NAPSA: variants seen among roughly 807,000 people sequenced by gnomAD.
NAPSA encodes the protein napsin-A.
In NAPSA, 37 loss-of-function variants were observed where a neutral mutation model predicts 36.7. The observed-to-expected ratio is 1.01, with a 90% CI of 0.78 to 1.33. NAPSA has a LOEUF of 1.33. Ranked by LOEUF, NAPSA falls within the 40% of genes most tolerant of loss-of-function variation. The pLI, the probability that NAPSA is intolerant of heterozygous loss-of-function variation, is 0.00. For synonymous variants in NAPSA, 222 were observed against 234.5 expected (o/e 0.95, Z 0.49); for missense variants, 532 against 543.8 (o/e 0.98, Z 0.21).
upstream of NAPSA, among the ~76,000 whole-genome samples, chr19:50,368,196 T>G (rs2037573786): frequency 7.1e-6 from 1 of 139,982 alleles, no homozygotes. Context: ...AAAGAAAGGC[T>G]AGGTGCGGTG....
chr19:50,360,161 T>A (rs979187834), intron 5 of NAPSA, among the ~76,000 whole-genome samples: 1 of 152,146 alleles, frequency 6.6e-6, no homozygotes, highest in African/African-American at 2.4e-5. Flanking sequence ...AGAGCAGTGG[T>A]GTCTTGGAAT....
At chr19:50,359,154 G>C (rs758480175) in intron 7 of NAPSA, 45 bp from the exon 8 acceptor site, 1 of 1,520,092 alleles carries the variant, frequency 6.6e-7, no homozygotes, top group South Asian at 1.1e-5. Flanking sequence ...TTCCTGCTCT[G>C]TTCAGTCCCT....
chr19:50,360,323 G>T (rs1478765310), intron 5 of NAPSA, among the ~76,000 whole-genome samples: 1 of 152,156 alleles, frequency 6.6e-6, no homozygotes, highest in Non-Finnish European at 1.5e-5. Context: ...CTTCCTGGAA[G>T]GTGGAGGAGA....
chr19:50,361,238 A>T, intron 4 of NAPSA, 98 bp from the exon 5 acceptor site: 1 of 1,038,178 alleles, frequency 9.6e-7, no homozygotes, highest in East Asian at 2.4e-5. Context: ...AGGTCTGGGG[A>T]CTTCTGGATG....
upstream of NAPSA, chr19:50,365,726 G>T: frequency 1.1e-6 from 1 of 935,504 alleles, no homozygotes; most frequent in Non-Finnish European, 1.6e-6. Context: ...AGGAGACCAG[G>T]ACATGAAATC....
chr19:50,359,697 C>G, intron 6 of NAPSA, 43 bp downstream of exon 6: 1 of 1,614,162 alleles, frequency 6.2e-7, no homozygotes, highest in Non-Finnish European at 8.5e-7. Flanking sequence ...GGAGTCCAGG[C>G]CCCCAGCCTC....
intron 1 of NAPSA, among the ~76,000 whole-genome samples, chr19:50,365,333 CA>C (rs1488334210): frequency 6.6e-6 from 1 of 151,702 alleles, no homozygotes; most frequent in African/African-American, 2.4e-5. Flanking sequence ...GACTCCATCT[CA>C]AAAAAAAGAA....
intron 8 of NAPSA, 48 bp from the exon 9 acceptor site, chr19:50,358,828 C>T: frequency 1.3e-6 from 2 of 1,529,456 alleles, no homozygotes; most frequent in South Asian, 2.4e-5. Flanking sequence ...ACAAGGACGG[C>T]CATTTGCCTG....
At chr19:50,367,576 C>G (rs9676831), upstream of NAPSA, among the ~76,000 whole-genome samples, 6 of 146,710 alleles carry the variant, frequency 4.1e-5, no homozygotes, top group South Asian at 2.2e-4. Context: ...CTCTCTCTCT[C>G]TCTCTGTCTC....
Position 50,358,708 on chromosome 19 carries a change from A to T in NAPSA, c.1108T>A (p.Phe370Ile). ...AAGAAGACGTCACCGAGGATCCAGA[A>T]GGGCCCTGCAGGCGGAGGGACATCC... ...ALDVPPPAGPFWILGDVFLGT... is the reference protein window; with the variant it reads ...ALDVPPPAGPIWILGDVFLGT... The change falls in exon 9 of 9, where the codon TTC (phenylalanine) becomes ATC (isoleucine). Residue 370 changes from phenylalanine to isoleucine, a missense_variant. Around this residue, in one of 3 missense-constraint regions of NAPSA, gnomAD observed 385 missense variants for 371.5 expected, o/e 1.04. Transcript: ENST00000253719. 6.2e-7 allele frequency: 1 copy of T among 1,613,498 alleles called. No homozygotes were observed. Among genetic ancestry groups the T allele is most frequent in the Non-Finnish European group, 8.5e-7 (1 of 1,179,988 alleles).
chr19:50,359,161 C>A (rs780148274), intron 7 of NAPSA, 52 bp from the exon 8 acceptor site: 2 of 1,494,268 alleles, frequency 1.3e-6, no homozygotes, highest in South Asian at 2.3e-5. Flanking sequence ...TCTGTTCAGT[C>A]CCTTCCGTGG....
At chr19:50,365,144 G>A (rs759806774) in intron 1 of NAPSA, among the ~76,000 whole-genome samples, 1 of 151,806 alleles carries the variant, frequency 6.6e-6, no homozygotes, top group Non-Finnish European at 1.5e-5. Flanking sequence ...GACCAGCCTG[G>A]CCAACATGGT....
intron 1 of NAPSA, among the ~76,000 whole-genome samples, chr19:50,364,568 T>C (rs1402986516): frequency 2.1e-5 from 3 of 140,390 alleles, no homozygotes; most frequent in African/African-American, 5.4e-5. Flanking sequence ...TGAGCCAAGA[T>C]TGCGCCACTG....
At chr19:50,359,237 G>T in intron 7 of NAPSA, 128 bp from the exon 8 acceptor site, 1 of 900,018 alleles carries the variant, frequency 1.1e-6, no homozygotes, top group Non-Finnish European at 1.7e-6. Flanking sequence ...GTGTGCAGAG[G>T]CCCTGCCGCC....
intron 7 of NAPSA, 74 bp downstream of exon 7, chr19:50,359,429 C>G (rs1008827648): frequency 3.1e-6 from 5 of 1,593,370 alleles, no homozygotes; most frequent in Non-Finnish European, 4.3e-6. Flanking sequence ...GCCTCCCACC[C>G]TCAGGCCCTT....
Position 50,361,650 on chromosome 19 carries a change from A to C in NAPSA, c.468+13T>G, listed in dbSNP as rs760494965. ...CCCAGGCTCAAGACTTCTGAGAGTC[A>C]AAGGCCACTCACAGTCAGCTTGTCC... On this transcript the variant is annotated intron_variant, in intron 4 of 8. Coordinates refer to ENST00000253719, the MANE Select transcript of NAPSA (RefSeq NM_004851.3). 3 of 1,598,038 alleles carry C rather than the reference A, an allele frequency of 1.9e-6. No homozygotes were observed. The highest frequency in any genetic ancestry group is 2.2e-5 in the South Asian group (2 of 90,730).
At position 50,360,932 on chromosome 19, in the gene NAPSA, T is replaced by G. The variant is rs1304218084; in HGVS notation, c.668+9A>C. The stretch of plus-strand genomic sequence containing the variant: ...TAGGACTCATAGATAGGTGCACACT[T>G]CCCAGTACCTGTTGAGGTAAAAGGA... On this transcript the variant is annotated intron_variant, in intron 5 of 8. Coordinates refer to ENST00000253719, the MANE Select transcript of NAPSA (RefSeq NM_004851.3). The G allele has an allele frequency of 1.2e-6, 2 of 1,612,958 alleles. No homozygotes were observed. The highest frequency in any genetic ancestry group is 1.7e-6 in the Non-Finnish European group (2 of 1,179,546).
chr19:50,363,161 C>G (rs771223851), intron 1 of NAPSA, among the ~76,000 whole-genome samples: 4 of 152,152 alleles, frequency 2.6e-5, no homozygotes, highest in Non-Finnish European at 5.9e-5. Context: ...ATCACTCACA[C>G]CTTTCCCGTC....
chr19:50,361,626 C>T, intron 4 of NAPSA, 37 bp downstream of exon 4: 3 of 1,552,916 alleles, frequency 1.9e-6, no homozygotes, highest in Middle Eastern at 2.0e-4. Context: ...TGGGGTTCTC[C>T]CAGGCTCAAG....
Sources: allele counts gnomAD v4.1 joint callset (sites outside exome capture counted in the v4.1 genomes callset), GRCh38; gene constraint gnomAD v4.1.1; regional missense constraint gnomAD v4.1.1; transcripts MANE v1.5; gene names NCBI Gene and HGNC (gene_info 2026-07-23, HGNC 2026-07-21).